The following XKR9 variants were observed in gnomAD, a reference collection of about 807,000 sequenced individuals.
XKR9 encodes the protein XK-related protein 9.
XKR9 carries 32 observed loss-of-function variants against 32.0 expected under a neutral mutation model. That is an observed-to-expected ratio of 1.00 (90% CI 0.76 to 1.34). The LOEUF is 1.34. XKR9 is among the 40% of genes most tolerant of loss of function. The probability of loss-of-function intolerance (pLI) is 0.00; values close to 1 mark genes in which losing one functional copy is unlikely to be tolerated. For synonymous variants in XKR9, 168 were observed against 143.4 expected (o/e 1.17, Z -1.22); for missense variants, 546 against 429.7 (o/e 1.27, Z -2.39).
the XKR9 span, among the ~76,000 whole-genome samples, chr8:70,959,890 T>C: frequency 6.6e-6 from 1 of 152,168 alleles, no homozygotes; most frequent in Non-Finnish European, 1.5e-5. Flanking sequence ...AGTATGTGGT[T>C]TAAAGAGATA....
the XKR9 span, among the ~76,000 whole-genome samples, chr8:70,852,515 T>C: frequency 2.6e-5 from 4 of 152,256 alleles, no homozygotes; most frequent in African/African-American, 9.6e-5. Flanking sequence ...ATTCTACTTT[T>C]ATAAATCATT....
the XKR9 span, among the ~76,000 whole-genome samples, chr8:70,872,284 C>T: frequency 6.6e-6 from 1 of 152,176 alleles, no homozygotes; most frequent in Non-Finnish European, 1.5e-5. Flanking sequence ...TCCCTTAAGC[C>T]AAAGCCCAGC....
the XKR9 span, among the ~76,000 whole-genome samples, chr8:70,987,945 AG>A: frequency 1.3e-5 from 2 of 152,298 alleles, no homozygotes; most frequent in South Asian, 4.1e-4. Context: ...GAAGCTGCCA[AG>A]GCCTGGGGCT....
Position 70,735,292 on chromosome 8 carries a change from A to AT in XKR9, c.*874dup, listed in dbSNP as rs1020508466. 6.6e-6 allele frequency: 1 copy of AT among 151,724 alleles called. No homozygotes were observed. Among genetic ancestry groups the AT allele is most frequent in the African/African-American group, 2.4e-5 (1 of 41,318 alleles). 9.4% of individuals were successfully genotyped at this position (151,724 alleles called of 1,614,324 possible). A position where few individuals can be genotyped will look rare whatever the true frequency, so the allele number is the denominator to read the frequency against. Reference sequence around the variant, plus strand: ...CAAGTCTCTCTCAACTGAAATTATAATTTTTTGTTTCTATGAGTTTGAATA... The same window carrying AT: ...CAAGTCTCTCTCAACTGAAATTATAATTTTTTTGTTTCTATGAGTTTGAATA... On this transcript the variant is annotated 3_prime_UTR_variant, in exon 5 of 5. Coordinates refer to ENST00000408926, the MANE Select transcript of XKR9 (RefSeq NM_001011720.2).
chr8:70,700,359 T>C (rs540438308), intron 3 of XKR9, among the ~76,000 whole-genome samples: 6 of 152,316 alleles, frequency 3.9e-5, no homozygotes, highest in African/African-American at 1.2e-4. Flanking sequence ...GATGGGTTTT[T>C]GGTGTGGATG....
At chr8:70,974,568 G>A in the XKR9 span, among the ~76,000 whole-genome samples, 2 of 152,182 alleles carry the variant, frequency 1.3e-5, no homozygotes, top group African/African-American at 2.4e-5. Flanking sequence ...CAAAGGACAT[G>A]AACCCATCCT....
the XKR9 span, among the ~76,000 whole-genome samples, chr8:70,813,140 A>G: frequency 2.6e-4 from 40 of 152,190 alleles, no homozygotes; most frequent in African/African-American, 9.2e-4. Context: ...ATAATGCCGC[A>G]TATCTACAAC....
chr8:70,914,222 G>C, the XKR9 span, among the ~76,000 whole-genome samples: 1 of 152,088 alleles, frequency 6.6e-6, no homozygotes, highest in Non-Finnish European at 1.5e-5. Context: ...AAGCCACTGT[G>C]CCTAGCCAAA....
the XKR9 span, among the ~76,000 whole-genome samples, chr8:71,009,911 G>T: frequency 2.2e-4 from 33 of 152,156 alleles, no homozygotes; most frequent in African/African-American, 7.7e-4. Flanking sequence ...TGTAGATTTT[G>T]CACTGTGTTG....
intron 3 of XKR9, among the ~76,000 whole-genome samples, chr8:70,700,479 G>A (rs1008153336): frequency 3.9e-5 from 6 of 152,164 alleles, no homozygotes; most frequent in Admixed American, 2.0e-4. Flanking sequence ...TATCAGCAGC[G>A]GTGGCTGCAG....
chr8:70,747,357 C>T (rs1324670171), intron 2 of XKR9, among the ~76,000 whole-genome samples: 1 of 152,162 alleles, frequency 6.6e-6, no homozygotes, highest in African/African-American at 2.4e-5. Flanking sequence ...GGGATTGGGT[C>T]ATGAATGCAT....
the XKR9 span, among the ~76,000 whole-genome samples, chr8:70,863,629 A>T: frequency 6.6e-6 from 1 of 152,172 alleles, no homozygotes; most frequent in Non-Finnish European, 1.5e-5. Context: ...GAAAAAAATC[A>T]CTTTCAATGT....
the XKR9 span, among the ~76,000 whole-genome samples, chr8:70,966,591 T>C: frequency 9.7e-4 from 147 of 152,302 alleles, no homozygotes; most frequent in Non-Finnish European, 1.7e-3. Context: ...GGTTATTCTG[T>C]TGTTTTTGTT....
the XKR9 span, among the ~76,000 whole-genome samples, chr8:70,883,807 C>T: frequency 6.6e-6 from 1 of 152,130 alleles, no homozygotes. Context: ...TAGTTAGTTC[C>T]AAGTTTTGAC....
At chr8:71,032,295 A>C in the XKR9 span, among the ~76,000 whole-genome samples, 1 of 151,424 alleles carries the variant, frequency 6.6e-6, no homozygotes, top group East Asian at 1.9e-4. Context: ...AAAAAAAAAA[A>C]AAAAAAAAAA....
At chr8:70,798,443 G>A in the XKR9 span, among the ~76,000 whole-genome samples, 5 of 152,068 alleles carry the variant, frequency 3.3e-5, no homozygotes, top group South Asian at 8.3e-4. Context: ...TATAGATTCT[G>A]GGTATTAGCC....
chr8:70,955,007 A>G, the XKR9 span, among the ~76,000 whole-genome samples: 83,327 of 152,078 alleles, frequency 0.55, 23,761 homozygotes, highest in Middle Eastern at 0.62. Context: ...CCATGGAATT[A>G]TAAAGTGCCC....
At chr8:70,991,631 CAA>C in the XKR9 span, among the ~76,000 whole-genome samples, 4 of 152,116 alleles carry the variant, frequency 2.6e-5, no homozygotes, top group Non-Finnish European at 4.4e-5. Flanking sequence ...CCTGAAGCTC[CAA>C]GAAAACTGAA....
At chr8:70,756,039 G>T (rs1283484483) in intron 2 of XKR9, among the ~76,000 whole-genome samples, 1 of 152,130 alleles carries the variant, frequency 6.6e-6, no homozygotes, top group Non-Finnish European at 1.5e-5. Flanking sequence ...TGTATTTGGA[G>T]TTGATTTGAG....
Sources: allele counts gnomAD v4.1 joint callset (sites outside exome capture counted in the v4.1 genomes callset), GRCh38; gene constraint gnomAD v4.1.1; transcripts MANE v1.5; gene names NCBI Gene and HGNC (gene_info 2026-07-23, HGNC 2026-07-21).